Variants in TBC1D8 observed in about 807,000 individuals in gnomAD.
TBC1D8 encodes the protein TBC1 domain family member 8, also known as BUB2-like protein 1.
A neutral mutation model predicts 118.8 loss-of-function variants in TBC1D8; 65 were observed. That is an observed-to-expected ratio of 0.55 (90% CI 0.45 to 0.67). The LOEUF (loss-of-function observed/expected upper bound fraction) is 0.67. TBC1D8 is among the 30% of genes least tolerant of loss of function. The pLI is 0.00. For synonymous variants in TBC1D8, 566 were observed against 595.8 expected (o/e 0.95, Z 0.73); for missense variants, 1,376 against 1,471.2 (o/e 0.94, Z 1.06).
At chr2:101,022,795 A>G (rs1680119469) in intron 15 of TBC1D8, among the ~76,000 whole-genome samples, 1 of 152,186 alleles carries the variant, frequency 6.6e-6, no homozygotes, top group African/African-American at 2.4e-5. Flanking sequence ...TTCAGCTAAC[A>G]TAGTTTTCAT....
At chr2:101,038,319 G>T in intron 7 of TBC1D8, 142 bp downstream of exon 7, 1 of 995,778 alleles carries the variant, frequency 1.0e-6, no homozygotes, top group Non-Finnish European at 1.5e-6. Flanking sequence ...CAGGACAGCC[G>T]GCACATCAGA....
At chr2:101,071,766 T>G (rs1394754553) in intron 2 of TBC1D8, among the ~76,000 whole-genome samples, 4 of 152,214 alleles carry the variant, frequency 2.6e-5, no homozygotes, top group South Asian at 2.1e-4. Flanking sequence ...TAAGTTCAAA[T>G]ATGCATCCTT....
At chr2:101,053,515 G>C (rs1453978868) in intron 4 of TBC1D8, among the ~76,000 whole-genome samples, 1 of 152,204 alleles carries the variant, frequency 6.6e-6, no homozygotes, top group Admixed American at 6.5e-5. Context: ...ACAATATTTG[G>C]TTCTGGAAGA....
At chr2:101,030,142 T>C (rs1379402284) in intron 11 of TBC1D8, among the ~76,000 whole-genome samples, 3 of 152,170 alleles carry the variant, frequency 2.0e-5, no homozygotes, top group African/African-American at 7.2e-5. Context: ...ACATTTCTTA[T>C]GACATAAAAA....
intron 1 of TBC1D8, among the ~76,000 whole-genome samples, chr2:101,100,069 T>C (rs1216137569): frequency 2.6e-5 from 4 of 152,172 alleles, no homozygotes; most frequent in African/African-American, 9.7e-5. Context: ...GGAAATCAAG[T>C]TGTCTCTGTT....
intron 1 of TBC1D8, among the ~76,000 whole-genome samples, chr2:101,149,158 G>A (rs923716374): frequency 6.6e-6 from 1 of 152,180 alleles, no homozygotes; most frequent in African/African-American, 2.4e-5. Context: ...CGATCTTGTT[G>A]CATTTAAGCA....
At chr2:101,013,309 T>C (rs549830831) in intron 17 of TBC1D8, among the ~76,000 whole-genome samples, 77 of 152,344 alleles carry the variant, frequency 5.1e-4, no homozygotes, top group South Asian at 5.0e-3. Context: ...TTATGCATTA[T>C]GGGAAATAGT....
intron 14 of TBC1D8, 31 bp from the exon 15 acceptor site, chr2:101,027,482 A>G (rs775088641): frequency 6.2e-7 from 1 of 1,607,988 alleles, no homozygotes; most frequent in South Asian, 1.1e-5. Flanking sequence ...CAATGGCGTG[A>G]AATCTAGGCC....
chr2:101,046,869 C>G (rs915493402), intron 5 of TBC1D8, among the ~76,000 whole-genome samples: 1 of 152,170 alleles, frequency 6.6e-6, no homozygotes, highest in African/African-American at 2.4e-5. Context: ...TTTCCATTTA[C>G]TACACCGCTT....
At chr2:101,014,586 C>T in intron 17 of TBC1D8, among the ~76,000 whole-genome samples, 1 of 152,216 alleles carries the variant, frequency 6.6e-6, no homozygotes, top group South Asian at 2.1e-4. Flanking sequence ...ATCATTTAGC[C>T]AATCTGCTTC....
rs554856558 is a variant in TBC1D8, at chr2:101,058,160, C to T, written c.402+1261G>A. Among the ~76,000 whole-genome samples the T allele has an allele frequency of 7.9e-5, 12 of 152,266 alleles. No individual in the cohort carries two copies. The South Asian group carries it at 1.9e-3, about 24-fold the overall frequency. On this transcript the variant is annotated intron_variant, in intron 3 of 19. Coordinates refer to ENST00000409318, the MANE Select transcript of TBC1D8 (RefSeq NM_001330348.2). ...TGGCTGGGCCAGGATGAGGGCTGACCCGAGCCCACCAACGCCTAGCCCACC... is the reference window on the plus strand; with the variant it reads ...TGGCTGGGCCAGGATGAGGGCTGACTCGAGCCCACCAACGCCTAGCCCACC...
At chr2:101,103,040 T>C (rs1016169531) in intron 1 of TBC1D8, among the ~76,000 whole-genome samples, 2 of 151,956 alleles carry the variant, frequency 1.3e-5, no homozygotes, top group Admixed American at 1.3e-4. Flanking sequence ...TGTAATATAG[T>C]AAAATCAAAT....
chr2:101,134,925 G>A (rs977086431), intron 1 of TBC1D8, among the ~76,000 whole-genome samples: 1 of 152,226 alleles, frequency 6.6e-6, no homozygotes, highest in South Asian at 2.1e-4. Context: ...TGTAATCCCA[G>A]CACTTTGGGA....
chr2:101,081,457 C>T (rs1264265410), intron 2 of TBC1D8, among the ~76,000 whole-genome samples: 2 of 152,220 alleles, frequency 1.3e-5, no homozygotes, highest in Non-Finnish European at 2.9e-5. Context: ...CAACAAACTA[C>T]TGGAGCAGCC....
chr2:101,070,308 C>A (rs997243157), intron 2 of TBC1D8, among the ~76,000 whole-genome samples: 1 of 151,416 alleles, frequency 6.6e-6, no homozygotes, highest in Non-Finnish European at 1.5e-5. Context: ...TAGAAAAAAC[C>A]TTTTTTAACC....
chr2:101,072,594 C>T (rs1337821066), intron 2 of TBC1D8, among the ~76,000 whole-genome samples: 2 of 152,100 alleles, frequency 1.3e-5, no homozygotes, highest in African/African-American at 4.8e-5. Flanking sequence ...TGTTCCACCT[C>T]GGATCATCAT....
chr2:101,065,960 G>A (rs1682989775), intron 2 of TBC1D8, among the ~76,000 whole-genome samples: 1 of 152,098 alleles, frequency 6.6e-6, no homozygotes. Flanking sequence ...AATAGAATCA[G>A]TAGACCAAGA....
At position 101,151,110 on chromosome 2, in the gene TBC1D8, C is replaced by T; in HGVS notation, c.127+17G>A. Reference sequence around the variant, plus strand: ...CCCCGGGCCCGGCCGCCGCGCCCGCCCCGGCGAGCCCCTTACCGGTGAGGC... The same window carrying T: ...CCCCGGGCCCGGCCGCCGCGCCCGCTCCGGCGAGCCCCTTACCGGTGAGGC... On this transcript the variant is annotated intron_variant, in intron 1 of 19. Coordinates refer to ENST00000409318, the MANE Select transcript of TBC1D8 (RefSeq NM_001330348.2). 9 of 1,038,858 alleles carry T rather than the reference C, an allele frequency of 8.7e-6. No homozygotes were observed. Among genetic ancestry groups the T allele is most frequent in the Non-Finnish European group, 1.1e-5 (9 of 856,864 alleles). The allele number at this position is 1,038,858 out of a possible 1,614,324, so 64.4% of individuals were successfully genotyped here.
At chr2:101,018,713 G>T (rs1679835556) in intron 17 of TBC1D8, among the ~76,000 whole-genome samples, 1 of 152,184 alleles carries the variant, frequency 6.6e-6, no homozygotes. Context: ...GGTTTGCTCA[G>T]TATACAAACT....
Sources: allele counts gnomAD v4.1 joint callset (sites outside exome capture counted in the v4.1 genomes callset), GRCh38; gene constraint gnomAD v4.1.1; transcripts MANE v1.5; gene names NCBI Gene and HGNC (gene_info 2026-07-23, HGNC 2026-07-21).